KAZN: variants seen among roughly 807,000 people sequenced by gnomAD.
KAZN encodes the protein kazrin, periplakin interacting protein.
In KAZN, 40 loss-of-function variants were observed where a neutral mutation model predicts 87.4. That is an observed-to-expected ratio of 0.46 (90% CI 0.36 to 0.60). The LOEUF is 0.60. Among genes scored for constraint, KAZN ranks in the 20% least tolerant of loss-of-function variants. KAZN has a pLI of 0.00. For synonymous variants in KAZN, 466 were observed against 458.3 expected, an observed-to-expected ratio of 1.02 and a Z score of -0.22; for missense variants, 898 against 1,073.9, an observed-to-expected ratio of 0.84 and a Z score of 2.29.
At chr1:14,413,988 A>T (rs1664534850) in intron 2 of KAZN, among the ~76,000 whole-genome samples, 1 of 152,218 alleles carries the variant, frequency 6.6e-6, no homozygotes, top group Non-Finnish European at 1.5e-5. Context: ...AAACAAGGAG[A>T]TCTTTTCATT....
At chr1:13,894,146 CCT>C (rs1638943816) in intron 1 of KAZN, among the ~76,000 whole-genome samples, 1 of 152,120 alleles carries the variant, frequency 6.6e-6, no homozygotes, top group Admixed American at 6.5e-5. Flanking sequence ...TGTCAGCTTG[CCT>C]CTCTCTGCTC....
At chr1:15,033,570 C>T (rs999729688) in intron 2 of KAZN, among the ~76,000 whole-genome samples, 3 of 152,232 alleles carry the variant, frequency 2.0e-5, no homozygotes, top group Admixed American at 6.5e-5. Flanking sequence ...CCACATCCCA[C>T]CAGCCCTTGC....
chr1:14,699,913 G>A lies in KAZN; in HGVS notation c.226+100690G>A, dbSNP rs182762269. On this transcript the variant is annotated intron_variant, in intron 1 of 14. Coordinates refer to ENST00000376030, the MANE Select transcript of KAZN (RefSeq NM_201628.3). ...ATGAGCTGGCATAATGAGTTGGCCC[G>A]ACACTCACTAGAGTGGGCCAGACAA... 9.9e-5 allele frequency among the ~76,000 whole-genome samples: 15 copies of A among 152,188 alleles called. No individual in the cohort carries two copies. The East Asian group carries it at 1.2e-3, about 12-fold the overall frequency.
intron 2 of KAZN, among the ~76,000 whole-genome samples, chr1:14,502,601 G>T (rs934618316): frequency 6.6e-6 from 1 of 151,948 alleles, no homozygotes; most frequent in Non-Finnish European, 1.5e-5. Context: ...TCTGGCAAAC[G>T]GTCAGTTTAA....
chr1:15,101,164 T>TTCTC (rs143288616), intron 10 of KAZN, among the ~76,000 whole-genome samples: 1,615 of 127,800 alleles, frequency 0.013, 68 homozygotes, highest in Middle Eastern at 0.028. Flanking sequence ...GTCTCGGTCT[T>TTCTC]TCTCTCTCTC....
intron 5 of KAZN, among the ~76,000 whole-genome samples, chr1:15,059,744 G>T (rs941470188): frequency 2.0e-5 from 3 of 152,196 alleles, no homozygotes; most frequent in Non-Finnish European, 4.4e-5. Context: ...ATTGCACCAG[G>T]TCTAGGAATG....
At chr1:14,520,562 C>G (rs1020596787) in intron 2 of KAZN, among the ~76,000 whole-genome samples, 7 of 152,188 alleles carry the variant, frequency 4.6e-5, no homozygotes, top group Admixed American at 1.3e-4. Flanking sequence ...AAGAGAGCTC[C>G]TCTGACTTCC....
intron 2 of KAZN, among the ~76,000 whole-genome samples, chr1:14,508,956 C>T (rs1670759483): frequency 6.6e-6 from 1 of 152,198 alleles, no homozygotes; most frequent in Non-Finnish European, 1.5e-5. Context: ...TGTAAGAAAG[C>T]AGAGACCACA....
chr1:14,261,643 G>A (rs1325763599), intron 2 of KAZN, among the ~76,000 whole-genome samples: 2 of 152,184 alleles, frequency 1.3e-5, no homozygotes, highest in Admixed American at 1.3e-4. Flanking sequence ...ATTTGGGGGT[G>A]GAAGGTGCTG....
In KAZN at chr1:14,056,368, G is replaced by A. The variant is rs999953294; in HGVS notation, c.92-124067G>A. 4.6e-5 allele frequency among the ~76,000 whole-genome samples: 7 copies of A among 152,346 alleles called. No homozygotes were observed. In the South Asian group the frequency reaches 1.0e-3, roughly 23 times the overall value. Reference sequence around the variant, plus strand: ...GGATTAGAGTCAAAGGAGATGTCACGATGGAAGCAGAGCTTGGAGGGATGT... The same window carrying A: ...GGATTAGAGTCAAAGGAGATGTCACAATGGAAGCAGAGCTTGGAGGGATGT... On this transcript the variant is annotated intron_variant, in intron 1 of 16. Coordinates refer to the KAZN transcript ENST00000636203.
At chr1:14,852,536 C>T (rs1309418110) in intron 1 of KAZN, among the ~76,000 whole-genome samples, 1 of 152,214 alleles carries the variant, frequency 6.6e-6, no homozygotes, top group African/African-American at 2.4e-5. Flanking sequence ...CTGCTTCTTC[C>T]CACTGTCTAG....
intron 2 of KAZN, among the ~76,000 whole-genome samples, chr1:14,400,314 T>C (rs1024948030): frequency 4.6e-5 from 7 of 152,176 alleles, no homozygotes; most frequent in African/African-American, 1.4e-4. Flanking sequence ...TTTAAAGCTT[T>C]ATGGCACTTC....
At chr1:15,050,073 G>GAGTAGAGTAC (rs1268634053) in intron 4 of KAZN, among the ~76,000 whole-genome samples, 2 of 93,740 alleles carry the variant, frequency 2.1e-5, no homozygotes, top group Non-Finnish European at 2.0e-5. Context: ...GGGTAGAGTA[G>GAGTAGAGTAC]AGTAGAGTAC....
chr1:14,319,777 T>C (rs1476109940), intron 2 of KAZN, among the ~76,000 whole-genome samples: 2 of 152,188 alleles, frequency 1.3e-5, no homozygotes, highest in Admixed American at 1.3e-4. Flanking sequence ...TGTTGTTTTA[T>C]ATATTTCATC....
chr1:14,319,252 G>A (rs937146184), intron 2 of KAZN, among the ~76,000 whole-genome samples: 2 of 151,956 alleles, frequency 1.3e-5, no homozygotes, highest in Non-Finnish European at 2.9e-5. Context: ...TTCCAGAGAA[G>A]CCTTTACCCT....
intron 1 of KAZN, among the ~76,000 whole-genome samples, chr1:14,948,344 C>T (rs374207017): frequency 9.8e-4 from 149 of 152,320 alleles, no homozygotes; most frequent in African/African-American, 3.5e-3. Context: ...GGCTCCTCCC[C>T]TCCCAATGGC....
At chr1:14,060,335 C>T (rs1255718323) in intron 1 of KAZN, among the ~76,000 whole-genome samples, 5 of 144,688 alleles carry the variant, frequency 3.5e-5, no homozygotes, top group African/African-American at 1.3e-4. Flanking sequence ...TGCAGTCCAG[C>T]CTGGGCGACA....
intron 1 of KAZN, among the ~76,000 whole-genome samples, chr1:14,683,479 C>T (rs1640789231): frequency 6.6e-6 from 1 of 152,220 alleles, no homozygotes; most frequent in Admixed American, 6.5e-5. Context: ...AATGACCACT[C>T]TCTCCTTCCA....
At chr1:14,424,659 C>A (rs936214291) in intron 2 of KAZN, among the ~76,000 whole-genome samples, 8 of 152,216 alleles carry the variant, frequency 5.3e-5, no homozygotes, top group African/African-American at 1.9e-4. Context: ...CTTGTAAGGA[C>A]AGATACCAGG....
Sources: gnomAD v4.1 joint callset for allele counts (sites outside exome capture counted in the v4.1 genomes callset) on GRCh38, gnomAD v4.1.1 for gene constraint, MANE v1.5 for transcripts, NCBI Gene and HGNC (gene_info 2026-07-23, HGNC 2026-07-21) for gene names.